The following CLVS1 variants were observed in gnomAD, a reference collection of about 807,000 sequenced individuals.
CLVS1 encodes the protein clavesin-1.
In CLVS1, 10 loss-of-function variants were observed where a neutral mutation model predicts 33.1. The observed-to-expected ratio is 0.30, with a 90% CI of 0.19 to 0.51. The LOEUF is 0.51. Among genes scored for constraint, CLVS1 ranks in the 20% least tolerant of loss-of-function variants. CLVS1 has a pLI of 0.97. For missense variants in CLVS1, 343 were observed against 433.4 expected, an observed-to-expected ratio of 0.79 and a Z score of 1.85; for synonymous variants, 163 against 166.1, an observed-to-expected ratio of 0.98 and a Z score of 0.14.
chr8:61,322,106 A>T (rs1482140760), intron 2 of CLVS1, among the ~76,000 whole-genome samples: 2 of 152,188 alleles, frequency 1.3e-5, no homozygotes, highest in Non-Finnish European at 2.9e-5. Context: ...CTGTTCCCTG[A>T]TATAACCAAG....
chr8:61,457,828 G>T (rs952001555), intron 4 of CLVS1, among the ~76,000 whole-genome samples: 27 of 152,150 alleles, frequency 1.8e-4, no homozygotes, highest in Non-Finnish European at 3.2e-4. Context: ...ATTAGAGGGT[G>T]GTTGGAAAGA....
chr8:61,256,092 C>G (rs1247772704), intron 2 of CLVS1, among the ~76,000 whole-genome samples: 1 of 152,190 alleles, frequency 6.6e-6, no homozygotes, highest in Non-Finnish European at 1.5e-5. Flanking sequence ...AACTGAAACC[C>G]TATTCCCATA....
At chr8:61,066,425 G>A (rs541220463) in intron 1 of CLVS1, among the ~76,000 whole-genome samples, 5 of 152,190 alleles carry the variant, frequency 3.3e-5, no homozygotes, top group Non-Finnish European at 7.3e-5. Context: ...TTGAGCCTGG[G>A]GAGGTTGAGG....
chr8:61,038,476 GTA>G, the CLVS1 span, among the ~76,000 whole-genome samples: 3 of 144,070 alleles, frequency 2.1e-5, no homozygotes, highest in South Asian at 2.2e-4. Flanking sequence ...ATATATACAC[GTA>G]TATATATATG....
chr8:61,112,798 C>G (rs544036868), intron 1 of CLVS1, among the ~76,000 whole-genome samples: 21 of 151,730 alleles, frequency 1.4e-4, no homozygotes, highest in South Asian at 6.2e-4. Context: ...TCTGTAGTTT[C>G]CTTTTTTTTT....
intron 2 of CLVS1, among the ~76,000 whole-genome samples, chr8:61,234,075 G>A (rs1243324570): frequency 6.6e-6 from 1 of 152,202 alleles, no homozygotes; most frequent in Non-Finnish European, 1.5e-5. Context: ...GATGATGGGA[G>A]GGGCTGAGGT....
At chr8:61,309,937 G>A (rs984701591) in intron 2 of CLVS1, among the ~76,000 whole-genome samples, 2 of 152,160 alleles carry the variant, frequency 1.3e-5, no homozygotes, top group Non-Finnish European at 2.9e-5. Flanking sequence ...TACAAGTAGC[G>A]GGAGGTCTGT....
chr8:61,390,065 C>G (rs1814242250), intron 3 of CLVS1, among the ~76,000 whole-genome samples: 1 of 152,134 alleles, frequency 6.6e-6, no homozygotes, highest in African/African-American at 2.4e-5. Context: ...TGTCTAAACT[C>G]AACTTCAGCT....
intron 3 of CLVS1, among the ~76,000 whole-genome samples, chr8:61,441,880 T>C (rs1816563180): frequency 6.6e-6 from 1 of 152,192 alleles, no homozygotes; most frequent in African/African-American, 2.4e-5. Context: ...CTGAGACTCC[T>C]AAAGAAAATC....
upstream of CLVS1, among the ~76,000 whole-genome samples, chr8:61,284,522 A>G (rs542722212): frequency 2.0e-5 from 3 of 152,320 alleles, no homozygotes; most frequent in East Asian, 5.8e-4. Flanking sequence ...ATCATACAAA[A>G]AGATTGTGTA....
At chr8:61,206,590 C>CTTT (rs10535294) in intron 2 of CLVS1, among the ~76,000 whole-genome samples, 1 of 139,086 alleles carries the variant, frequency 7.2e-6, no homozygotes, top group African/African-American at 2.7e-5. Flanking sequence ...TTTTTTCTTT[C>CTTT]TTTTTTTTTT....
rs562551822 is a variant in CLVS1, at chr8:61,086,081, G to A, written c.-243+28851G>A. On this transcript the variant is annotated intron_variant, in intron 1 of 2. Coordinates refer to the CLVS1 transcript ENST00000522621. ...AAAAAAAAAAAAAAAAAAAAAATTA[G>A]CTTGTTGTGGTGGTGTGTGACTGTA... Among the ~76,000 whole-genome samples, 389 of 132,038 alleles carry A rather than the reference G, an allele frequency of 2.9e-3. 4 individuals carry two copies. Among genetic ancestry groups the A allele is most frequent in the African/African-American group, 0.011 (373 of 35,202 alleles). The allele number at this position is 132,038 out of a possible 152,430, so 86.6% of individuals were successfully genotyped here.
At chr8:61,328,562 C>G (rs1313771119) in intron 2 of CLVS1, among the ~76,000 whole-genome samples, 1 of 152,088 alleles carries the variant, frequency 6.6e-6, no homozygotes. Flanking sequence ...TTATCCTCAT[C>G]AAAGAACTGT....
At chr8:61,063,712 T>C (rs1214613360) in intron 1 of CLVS1, among the ~76,000 whole-genome samples, 1 of 152,270 alleles carries the variant, frequency 6.6e-6, no homozygotes, top group Non-Finnish European at 1.5e-5. Context: ...TTTTTTGAGC[T>C]TTTTAATTGT....
the CLVS1 span, among the ~76,000 whole-genome samples, chr8:60,998,307 C>G: frequency 2.0e-5 from 3 of 152,164 alleles, no homozygotes; most frequent in Non-Finnish European, 2.9e-5. Flanking sequence ...TCCTGCCTAT[C>G]CCACTATCAT....
At chr8:61,383,258 A>G (rs570258996) in intron 3 of CLVS1, among the ~76,000 whole-genome samples, 13 of 152,180 alleles carry the variant, frequency 8.5e-5, no homozygotes, top group Non-Finnish European at 1.8e-4. Context: ...ATGTGGTGTG[A>G]TCATTTTAAT....
intron 2 of CLVS1, among the ~76,000 whole-genome samples, chr8:61,169,186 C>T (rs1445388292): frequency 6.6e-6 from 1 of 152,150 alleles, no homozygotes; most frequent in Non-Finnish European, 1.5e-5. Context: ...AAGTTTCAGA[C>T]AGGGGTATGG....
chr8:61,053,999 T>C (rs571152899), upstream of CLVS1, among the ~76,000 whole-genome samples: 57 of 152,332 alleles, frequency 3.7e-4, 1 homozygote, highest in Admixed American at 3.3e-4. Flanking sequence ...ATAAATTCTC[T>C]ACTTGAAGCT....
chr8:61,368,691 G>C (rs1484470909), intron 2 of CLVS1, among the ~76,000 whole-genome samples: 3 of 152,192 alleles, frequency 2.0e-5, no homozygotes, highest in African/African-American at 7.2e-5. Context: ...TTCAGAAGCA[G>C]ATGAAATAAT....
Sources: allele counts gnomAD v4.1 joint callset (sites outside exome capture counted in the v4.1 genomes callset), GRCh38; gene constraint gnomAD v4.1.1; transcripts MANE v1.5; gene names NCBI Gene and HGNC (gene_info 2026-07-23, HGNC 2026-07-21).